The following BMPR1B variants were observed in gnomAD, a reference collection of about 807,000 sequenced individuals.
BMPR1B encodes bone morphogenetic protein receptor type 1B.
BMPR1B carries 12 observed loss-of-function variants against 59.1 expected under a neutral mutation model. The ratio of observed to expected loss-of-function variants is 0.20; its 90% CI spans 0.13 to 0.33. BMPR1B has a LOEUF of 0.33. Among genes scored for constraint, BMPR1B ranks in the 10% least tolerant of loss-of-function variants. The pLI, the probability that BMPR1B is intolerant of heterozygous loss-of-function variation, is 1.00. For synonymous variants in BMPR1B, 237 were observed against 207.3 expected (o/e 1.14, Z -1.23); for missense variants, 550 against 610.9 (o/e 0.90, Z 1.05).
intron 10 of BMPR1B, among the ~76,000 whole-genome samples, chr4:95,140,856 G>A (rs1235247157): frequency 6.6e-6 from 1 of 152,272 alleles, no homozygotes; most frequent in East Asian, 1.9e-4. Context: ...AGGAAAGTGA[G>A]TATCTATTAT....
intron 1 of BMPR1B, among the ~76,000 whole-genome samples, chr4:94,821,719 T>C (rs1268060256): frequency 3.3e-5 from 5 of 152,330 alleles, no homozygotes; most frequent in African/African-American, 1.2e-4. Context: ...ATTCGATGGA[T>C]TTAATTATAC....
At chr4:94,972,674 A>G (rs1401957206) in intron 2 of BMPR1B, among the ~76,000 whole-genome samples, 1 of 152,102 alleles carries the variant, frequency 6.6e-6, no homozygotes, top group Non-Finnish European at 1.5e-5. Flanking sequence ...TGAACATGAC[A>G]GTGGAAAGAG....
At chr4:94,987,458 C>T (rs1317507886) in intron 2 of BMPR1B, among the ~76,000 whole-genome samples, 2 of 151,500 alleles carry the variant, frequency 1.3e-5, no homozygotes, top group Non-Finnish European at 2.9e-5. Context: ...TGAGCTACTG[C>T]CATATAATTA....
chr4:95,109,693 CTTCTT>C (rs539180923), intron 4 of BMPR1B, among the ~76,000 whole-genome samples: 7 of 61,140 alleles, frequency 1.1e-4, no homozygotes, highest in Non-Finnish European at 2.4e-4. Flanking sequence ...TTCATTAGAA[CTTCTT>C]TTTATTATTA....
rs191763203 is a variant in BMPR1B, at chr4:95,058,628, C to T, written c.-17-45780C>T. On this transcript the variant is annotated intron_variant, in intron 3 of 12. Coordinates refer to ENST00000515059, the MANE Select transcript of BMPR1B (RefSeq NM_001203.3). ...ACAAGCTATGCCAAGGCCAATAGCA[C>T]GGAGCTTCAGAAAATCCAAGCCAAG... Among the ~76,000 whole-genome samples, 221 of 152,204 alleles carry T rather than the reference C, an allele frequency of 1.5e-3. 1 individual carries two copies. The highest frequency in any genetic ancestry group is 3.4e-3 in the Middle Eastern group (1 of 294).
chr4:95,100,895 AT>A (rs143703200), intron 3 of BMPR1B, among the ~76,000 whole-genome samples: 6,698 of 152,158 alleles, frequency 0.044, 499 homozygotes, highest in African/African-American at 0.15. Flanking sequence ...ATTAATAATA[AT>A]TTTTTAAAGT....
chr4:94,807,258 C>T (rs2110632364), intron 1 of BMPR1B, among the ~76,000 whole-genome samples: 1 of 152,190 alleles, frequency 6.6e-6, no homozygotes, highest in Non-Finnish European at 1.5e-5. Flanking sequence ...CCATGCCCAA[C>T]TAATTTTTGC....
intron 3 of BMPR1B, among the ~76,000 whole-genome samples, chr4:95,003,635 A>G (rs558401292): frequency 6.6e-6 from 1 of 152,146 alleles, no homozygotes; most frequent in South Asian, 2.1e-4. Context: ...ATATATGTAT[A>G]TGTATATTTT....
chr4:95,091,750 T>C (rs1730006980), intron 3 of BMPR1B: 10 of 841,590 alleles, frequency 1.2e-5, no homozygotes, highest in Non-Finnish European at 1.4e-5. Context: ...TAGCCTTTTT[T>C]GGCATAGATG....
intron 3 of BMPR1B, among the ~76,000 whole-genome samples, chr4:95,018,886 C>T (rs1236985178): frequency 1.3e-5 from 2 of 152,126 alleles, no homozygotes. Context: ...CTAATTGGCA[C>T]CTCGGACTTC....
chr4:94,762,673 A>G (rs943629089), intron 1 of BMPR1B, among the ~76,000 whole-genome samples: 1 of 152,198 alleles, frequency 6.6e-6, no homozygotes, highest in Non-Finnish European at 1.5e-5. Context: ...AGAAGTGAAC[A>G]AATATGATTT....
Position 94,835,813 on chromosome 4 carries a change from G to C in BMPR1B, c.-182-40018G>C, listed in dbSNP as rs955787394. On this transcript the variant is annotated intron_variant, in intron 1 of 12. Transcript: ENST00000515059. ...TAGGGTACATGTGCACATTGTGCAG[G>C]TTAGTTACATATGTATACATGTGCC... Among the ~76,000 whole-genome samples the C allele has an allele frequency of 3.3e-5, 5 of 151,850 alleles. No homozygotes were observed. The South Asian group carries it at 8.3e-4, about 25-fold the overall frequency.
chr4:94,913,273 T>C (rs540913841), intron 2 of BMPR1B, among the ~76,000 whole-genome samples: 2 of 152,298 alleles, frequency 1.3e-5, no homozygotes, highest in African/African-American at 4.8e-5. Context: ...GTTTACATTA[T>C]TAGCTTATAA....
Position 95,094,460 on chromosome 4 carries a change from C to T in BMPR1B, c.-17-9948C>T, listed in dbSNP as rs538148188. ...AAAAGGAAAGGAAGACAAATAGAAACGGGAGATAAAGGAGTAGGGAAAAGG... is the reference window on the plus strand; with the variant it reads ...AAAAGGAAAGGAAGACAAATAGAAATGGGAGATAAAGGAGTAGGGAAAAGG... On this transcript the variant is annotated intron_variant, in intron 3 of 12. Transcript: ENST00000515059. 8.6e-5 allele frequency among the ~76,000 whole-genome samples: 13 copies of T among 151,672 alleles called. No homozygotes were observed. The East Asian group carries it at 9.7e-4, about 11-fold the overall frequency.
chr4:95,031,301 A>T (rs936852983), intron 3 of BMPR1B, among the ~76,000 whole-genome samples: 3 of 152,182 alleles, frequency 2.0e-5, no homozygotes, highest in African/African-American at 7.2e-5. Flanking sequence ...GAGAGAGAAT[A>T]TGGCACATTA....
At chr4:94,877,070 C>T (rs894068666) in intron 2 of BMPR1B, among the ~76,000 whole-genome samples, 1 of 152,098 alleles carries the variant, frequency 6.6e-6, no homozygotes, top group African/African-American at 2.4e-5. Flanking sequence ...TTTCCCCTGG[C>T]TAAGTGTTGT....
intron 1 of BMPR1B, among the ~76,000 whole-genome samples, chr4:94,779,570 C>T (rs928764251): frequency 3.3e-5 from 5 of 152,152 alleles, no homozygotes; most frequent in African/African-American, 1.2e-4. Flanking sequence ...GTGGCTCATG[C>T]CTGTAATCCC....
chr4:94,884,773 A>G (rs1022308892), intron 2 of BMPR1B, among the ~76,000 whole-genome samples: 4 of 152,036 alleles, frequency 2.6e-5, no homozygotes, highest in African/African-American at 4.8e-5. Flanking sequence ...TGTATCTAAC[A>G]CTCTTTGCAG....
rs116191416 is a variant in BMPR1B, at chr4:94,847,148, A to G, written c.-182-28683A>G. On this transcript the variant is annotated intron_variant, in intron 1 of 12. Coordinates refer to ENST00000515059, the MANE Select transcript of BMPR1B (RefSeq NM_001203.3). The stretch of plus-strand genomic sequence containing the variant: ...AGAAAATCTGAAGAAACATTTCTCA[A>G]AAGACATACAAATGGCAAACAGGTA... Among the ~76,000 whole-genome samples the G allele has an allele frequency of 4.2e-3, 643 of 152,344 alleles. 4 individuals are homozygous for G. The highest frequency in any genetic ancestry group is 0.015 in the African/African-American group (617 of 41,580).
Sources: allele counts gnomAD v4.1 joint callset (sites outside exome capture counted in the v4.1 genomes callset), GRCh38; gene constraint gnomAD v4.1.1; transcripts MANE v1.5; gene names NCBI Gene and HGNC (gene_info 2026-07-23, HGNC 2026-07-21).